Variants in GRID2 observed in about 807,000 individuals in gnomAD.
The protein encoded by GRID2 is glutamate ionotropic receptor delta type subunit 2, also known as glutamate receptor ionotropic, delta-2.
In GRID2, 33 loss-of-function variants were observed where a neutral mutation model predicts 114.8. The observed-to-expected ratio is 0.29, with a 90% CI of 0.22 to 0.38. The LOEUF (loss-of-function observed/expected upper bound fraction) is 0.38, where lower values mean the gene tolerates loss of function less well. Among genes scored for constraint, GRID2 ranks in the 10% least tolerant of loss-of-function variants. GRID2 has a pLI of 1.00. For missense variants in GRID2, 1,184 were observed against 1,257.7 expected, an observed-to-expected ratio of 0.94 and a Z score of 0.89; for synonymous variants, 505 against 449.9, an observed-to-expected ratio of 1.12 and a Z score of -1.55.
intron 8 of GRID2, among the ~76,000 whole-genome samples, chr4:93,253,680 T>C (rs1333626232): frequency 6.6e-6 from 1 of 152,120 alleles, no homozygotes; most frequent in Non-Finnish European, 1.5e-5. Flanking sequence ...GTCTGTAGTT[T>C]CCGTAAGAGC....
intron 1 of GRID2, among the ~76,000 whole-genome samples, chr4:92,327,044 C>T (rs1290422830): frequency 6.6e-6 from 1 of 151,954 alleles, no homozygotes; most frequent in African/African-American, 2.4e-5. Context: ...TGTTTGGCAC[C>T]TCTTTGCTGC....
chr4:92,563,497 C>T (rs57830310), intron 1 of GRID2, among the ~76,000 whole-genome samples: 4 of 152,106 alleles, frequency 2.6e-5, no homozygotes, highest in African/African-American at 7.2e-5. Flanking sequence ...TACTATTTTC[C>T]GTTGCAAAAA....
chr4:93,671,210 C>T (rs1361419396), intron 14 of GRID2, among the ~76,000 whole-genome samples: 3 of 152,152 alleles, frequency 2.0e-5, no homozygotes, highest in Non-Finnish European at 4.4e-5. Flanking sequence ...AGCAGAGTGA[C>T]GTTCTAAAAT....
chr4:92,390,617 T>C (rs989493521), intron 1 of GRID2, among the ~76,000 whole-genome samples: 3 of 152,170 alleles, frequency 2.0e-5, no homozygotes, highest in African/African-American at 7.2e-5. Context: ...TAGGATATGA[T>C]AATGATTTAA....
At chr4:93,544,109 G>C (rs1732949788) in intron 13 of GRID2, among the ~76,000 whole-genome samples, 1 of 152,104 alleles carries the variant, frequency 6.6e-6, no homozygotes, top group African/African-American at 2.4e-5. Flanking sequence ...GATATAGATT[G>C]CCTTAGTTCT....
intron 2 of GRID2, among the ~76,000 whole-genome samples, chr4:92,622,983 ATTTTGT>A (rs979928517): frequency 2.7e-4 from 41 of 151,800 alleles, no homozygotes; most frequent in African/African-American, 9.4e-4. Flanking sequence ...TTCCAAAAAC[ATTTTGT>A]TAGTTTAAAT....
chr4:93,560,221 G>GGAAAAAA (rs1734769092), intron 13 of GRID2, among the ~76,000 whole-genome samples: 1 of 7,480 alleles, frequency 1.3e-4, no homozygotes, highest in Non-Finnish European at 2.6e-4. Context: ...AGAACTTAAA[G>GGAAAAAA]TAAAAAAAAA....
At chr4:93,595,299 T>C (rs1332028841) in intron 13 of GRID2, among the ~76,000 whole-genome samples, 1 of 152,198 alleles carries the variant, frequency 6.6e-6, no homozygotes, top group East Asian at 1.9e-4. Flanking sequence ...ATTTTATTAG[T>C]ATTTAACATT....
chr4:92,611,230 T>A (rs1729731885), intron 2 of GRID2, among the ~76,000 whole-genome samples: 1 of 151,432 alleles, frequency 6.6e-6, no homozygotes. Flanking sequence ...AACAGAAATT[T>A]ATTTTCTTAC....
chr4:92,333,808 T>G (rs1005585887), intron 1 of GRID2, among the ~76,000 whole-genome samples: 1 of 152,114 alleles, frequency 6.6e-6, no homozygotes, highest in African/African-American at 2.4e-5. Context: ...GATCATTGAT[T>G]AGCATCAAAT....
intron 1 of GRID2, among the ~76,000 whole-genome samples, chr4:92,540,095 G>A (rs1725850569): frequency 6.6e-6 from 1 of 152,162 alleles, no homozygotes; most frequent in South Asian, 2.1e-4. Context: ...CTAGCCATAT[G>A]TAGAAAGCTG....
intron 4 of GRID2, among the ~76,000 whole-genome samples, chr4:93,177,338 C>G (rs188874389): frequency 6.6e-6 from 1 of 151,848 alleles, no homozygotes; most frequent in East Asian, 1.9e-4. Context: ...ATTTATTGAC[C>G]GGGCCCTGCT....
At chr4:93,555,673 A>G (rs1041347607) in intron 13 of GRID2, among the ~76,000 whole-genome samples, 3 of 152,174 alleles carry the variant, frequency 2.0e-5, no homozygotes, top group Non-Finnish European at 2.9e-5. Context: ...GCGGCTGTGA[A>G]GTCAGCTTCA....
chr4:92,772,184 G>A (rs924786086), intron 2 of GRID2, among the ~76,000 whole-genome samples: 1 of 152,082 alleles, frequency 6.6e-6, no homozygotes, highest in Non-Finnish European at 1.5e-5. Context: ...TAAAACCTTG[G>A]CACCAGTGAG....
At chr4:92,887,683 C>A (rs1173078296) in intron 2 of GRID2, among the ~76,000 whole-genome samples, 1 of 152,182 alleles carries the variant, frequency 6.6e-6, no homozygotes, top group Non-Finnish European at 1.5e-5. Flanking sequence ...TGACAAAGAT[C>A]TTTTCTTAAT....
At position 92,875,795 on chromosome 4, in the gene GRID2, A is replaced by G. The variant is rs544157409; in HGVS notation, c.245-209200A>G. On this transcript the variant is annotated intron_variant, in intron 2 of 15. Coordinates refer to ENST00000282020, the MANE Select transcript of GRID2 (RefSeq NM_001510.4). ...GATAGTTAATTAAATTTGAAAGCAA[A>G]TACCATATCTACCTAGAATAAATAA... Among the ~76,000 whole-genome samples, 32 of 152,294 alleles carry G rather than the reference A, an allele frequency of 2.1e-4. 1 individual carries two copies. The South Asian group carries it at 6.4e-3, about 31-fold the overall frequency.
intron 4 of GRID2, among the ~76,000 whole-genome samples, chr4:93,168,756 A>G (rs1432706976): frequency 6.6e-6 from 1 of 150,810 alleles, no homozygotes; most frequent in Non-Finnish European, 1.5e-5. Context: ...CAAATTTTAT[A>G]TGAAAGCTAT....
intron 2 of GRID2, among the ~76,000 whole-genome samples, chr4:92,741,860 T>C (rs1017267055): frequency 6.6e-6 from 1 of 152,184 alleles, no homozygotes; most frequent in South Asian, 2.1e-4. Context: ...TTTTCTGCCA[T>C]TTTATCCACT....
In GRID2 at chr4:93,216,897, G is replaced by T. The variant is rs1744287328; in HGVS notation, c.949G>T (p.Ala317Ser). 1 of 1,610,720 alleles carries T rather than the reference G, an allele frequency of 6.2e-7. No homozygotes were observed. The highest frequency in any genetic ancestry group is 1.3e-5 in the African/African-American group (1 of 74,932). ...STLCDPKDPF[A>S]QNMEISNLYI... The stretch of plus-strand genomic sequence containing the variant: ...ATTGTGTGATCCAAAGGATCCATTT[G>T]CTCAGAATATGGAGGTATATTATAA... Residue 317 changes from alanine to serine, a missense_variant, in exon 6 of 16, where the codon GCT becomes TCT. Transcript: ENST00000282020.
Sources: allele counts gnomAD v4.1 joint callset (sites outside exome capture counted in the v4.1 genomes callset), GRCh38; gene constraint gnomAD v4.1.1; transcripts MANE v1.5; gene names NCBI Gene and HGNC (gene_info 2026-07-23, HGNC 2026-07-21).